The following GTF2H4 variants were observed in gnomAD, a reference collection of about 807,000 sequenced individuals.
The protein encoded by GTF2H4 is BTF2 p52.
A neutral mutation model predicts 62.2 loss-of-function variants in GTF2H4; 49 were observed. The ratio of observed to expected loss-of-function variants is 0.79; its 90% CI spans 0.63 to 1.00. The LOEUF (loss-of-function observed/expected upper bound fraction) is 1.00, where lower values mean the gene tolerates loss of function less well. GTF2H4 is among the 50% of genes least tolerant of loss of function. GTF2H4 has a pLI of 0.00. For missense variants in GTF2H4, 479 were observed against 587.8 expected (o/e 0.81, Z 1.91); for synonymous variants, 189 against 233.8 (o/e 0.81, Z 1.75).
chr6:30,911,386 C>T lies in GTF2H4; in HGVS notation c.673-45C>T. The stretch of plus-strand genomic sequence containing the variant: ...TTCTCTGTCCCTTTCTTCCCATTGT[C>T]TCCCTCCCATCCCTCCTCCTTTGTC... On this transcript the variant is annotated intron_variant, in intron 7 of 13. Transcript: ENST00000259895. The surrounding 1 kb of genome is among the most constrained non-coding windows in gnomAD (Gnocchi z 4.3). The T allele has an allele frequency of 6.4e-7, 1 of 1,567,866 alleles. No individual in the cohort carries two copies. Among genetic ancestry groups the T allele is most frequent in the Non-Finnish European group, 8.8e-7 (1 of 1,138,700 alleles).
rs557776277 is a variant in GTF2H4 at position 30,911,826 on chromosome 6, C to A, written c.825+59C>A. 4.6e-6 allele frequency: 7 copies of A among 1,514,440 alleles called. No homozygotes were observed. The highest frequency in any genetic ancestry group is 4.5e-5 in the South Asian group (4 of 89,012). The allele number at this position is 1,514,440 out of a possible 1,614,324, so 93.8% of individuals were successfully genotyped here. ...GAAACAGGGTGGTGTGTTGCCTTTGCCTTTAAAAAGGAGTGGGGTCTTGGG... is the reference window on the plus strand; with the variant it reads ...GAAACAGGGTGGTGTGTTGCCTTTGACTTTAAAAAGGAGTGGGGTCTTGGG... On this transcript the variant is annotated intron_variant, in intron 9 of 13. Transcript: ENST00000259895. This position sits in a 1 kb window ranked among gnomAD's most constrained non-coding sequence, Gnocchi z 4.3.
Position 30,912,080 on chromosome 6 carries a change from G to A in GTF2H4, c.892G>A (p.Gly298Arg). 1 of 1,612,902 alleles carries A rather than the reference G, an allele frequency of 6.2e-7. No homozygotes were observed. The highest frequency in any genetic ancestry group is 8.5e-7 in the Non-Finnish European group (1 of 1,179,932). ...TCTCTCATCAGGTGTCTCTGGAGCT[G>A]GGGGCACTGTGCATCAGCCAGGTTT... is the stretch of plus-strand genomic sequence containing the variant. ...INLSSGVSGA[G>R]GTVHQPGFIV... The change falls in exon 10 of 14, where the codon GGG becomes AGG. Residue 298 changes from glycine (G) to arginine (R), a missense_variant. Gly to Arg is a moderately radical substitution (Grantham distance 125, BLOSUM62 -2). Coordinates refer to ENST00000259895, the MANE Select transcript of GTF2H4 (RefSeq NM_001517.5). This position sits in a 1 kb window ranked among gnomAD's most constrained non-coding sequence, Gnocchi z 4.8.
rs1793882776 is a variant in GTF2H4 at position 30,913,260 on chromosome 6, G to T, written c.1138-49G>T. 6.2e-7 allele frequency: 1 copy of T among 1,612,486 alleles called. No homozygotes were observed. Among genetic ancestry groups the T allele is most frequent in the African/African-American group, 1.3e-5 (1 of 74,886 alleles). On this transcript the variant is annotated intron_variant, in intron 12 of 13. Coordinates refer to ENST00000259895, the MANE Select transcript of GTF2H4 (RefSeq NM_001517.5). This position sits in a 1 kb window ranked among gnomAD's most constrained non-coding sequence, Gnocchi z 4.2. ...TGGGGAAGAAACAGAGGGCCGGGTTGTCTGGGGCAGTATTCTGAGTCCCTA... is the reference window on the plus strand; with the variant it reads ...TGGGGAAGAAACAGAGGGCCGGGTTTTCTGGGGCAGTATTCTGAGTCCCTA...
At position 30,911,912 on chromosome 6, in the gene GTF2H4, G is replaced by C. The variant is rs1793777705; in HGVS notation, c.826-102G>C. On this transcript the variant is annotated intron_variant, in intron 9 of 13. Transcript: ENST00000259895. This position sits in a 1 kb window ranked among gnomAD's most constrained non-coding sequence, Gnocchi z 4.3. ...TGGGTCTCTCGGGGGAGAGAAGTTG[G>C]GGGTTGAGGTTCTGCATCTTGGGAG... 6 of 1,477,720 alleles carry C rather than the reference G, an allele frequency of 4.1e-6. No homozygotes were observed. Among genetic ancestry groups the C allele is most frequent in the South Asian group, 3.6e-5 (3 of 84,444 alleles). The allele number at this position is 1,477,720 out of a possible 1,614,324, so 91.5% of individuals were successfully genotyped here.
Position 30,913,916 on chromosome 6 carries a change from T to C in GTF2H4, c.1322T>C (p.Met441Thr), listed in dbSNP as rs1582163724. The C allele has an allele frequency of 1.2e-6, 2 of 1,609,530 alleles. No individual in the cohort carries two copies. Among genetic ancestry groups the C allele is most frequent in the Non-Finnish European group, 1.7e-6 (2 of 1,178,456 alleles). Residue 441 changes from methionine (M) to threonine (T), a missense_variant, in exon 14 of 14, where the codon ATG becomes ACG. Transcript: ENST00000259895. This position sits in a 1 kb window ranked among gnomAD's most constrained non-coding sequence, Gnocchi z 4.2. ...TTCGAGAACTCGGCCAAGCGGCTCA[T>C]GGTGGTGACCCCGGCCGGGCACAGC... ...LVFENSAKRL[M>T]VVTPAGHSDV...
chr6:30,911,658 C>G lies in GTF2H4; in HGVS notation c.742-26C>G, dbSNP rs773444368. 6.3e-7 allele frequency: 1 copy of G among 1,592,838 alleles called. No homozygotes were observed. The highest frequency in any genetic ancestry group is 8.6e-7 in the Non-Finnish European group (1 of 1,161,780). On this transcript the variant is annotated intron_variant, in intron 8 of 13. Coordinates refer to ENST00000259895, the MANE Select transcript of GTF2H4 (RefSeq NM_001517.5). This position sits in a 1 kb window ranked among gnomAD's most constrained non-coding sequence, Gnocchi z 4.3. The stretch of plus-strand genomic sequence containing the variant: ...GGGGTGGGTGGGTTGTGTTTTGGAC[C>G]CCAGCTGGAAACCTCTGTTCCTCAG...
rs748227932 is a variant in GTF2H4, at chr6:30,914,023, G to C, written c.*40G>C. 1 of 1,483,794 alleles carries C rather than the reference G, an allele frequency of 6.7e-7. No individual in the cohort carries two copies. The highest frequency in any genetic ancestry group is 9.1e-7 in the Non-Finnish European group (1 of 1,093,114). The allele number at this position is 1,483,794 out of a possible 1,614,324, so 91.9% of individuals were successfully genotyped here. A position where few individuals can be genotyped will look rare whatever the true frequency, so the allele number is the denominator to read the frequency against. ...GACACGGACCTCGGCGGGCGGGACT[G>C]GGCGGGGCGGGGCATCAGAACTCAG... On this transcript the variant is annotated 3_prime_UTR_variant, in exon 14 of 14. Transcript: ENST00000259895.
chr6:30,913,771 T>C lies in GTF2H4; in HGVS notation c.1217-40T>C. 6.7e-7 allele frequency: 1 copy of C among 1,497,200 alleles called. No individual in the cohort carries two copies. Among genetic ancestry groups the C allele is most frequent in the Non-Finnish European group, 8.9e-7 (1 of 1,119,794 alleles). The allele number at this position is 1,497,200 out of a possible 1,614,324, so 92.7% of individuals were successfully genotyped here. On this transcript the variant is annotated intron_variant, in intron 13 of 13. Coordinates refer to ENST00000259895, the MANE Select transcript of GTF2H4 (RefSeq NM_001517.5). This position sits in a 1 kb window ranked among gnomAD's most constrained non-coding sequence, Gnocchi z 4.2. ...AATAGGAGCTCCGAGCTTCACTTTC[T>C]CGTCTTCTCCCCGCGCCCCTCCCGT...
Position 30,910,033 on chromosome 6 carries a change from G to T in GTF2H4, c.344G>T (p.Arg115Leu), listed in dbSNP as rs577023692. 4 of 1,612,758 alleles carry T rather than the reference G, an allele frequency of 2.5e-6. No homozygotes were observed. The highest frequency in any genetic ancestry group is 3.4e-6 in the Non-Finnish European group (4 of 1,179,994). ...LQGLILNPIFRQNLRIALLGG... is the reference protein window; with the variant it reads ...LQGLILNPIFLQNLRIALLGG... ...GGCCTCATCCTCAACCCCATTTTCC[G>T]CCAGAACCTCCGCATTGCCCTTCTG... Residue 115 changes from arginine (R) to leucine (L), a missense_variant, in exon 4 of 14, where the codon CGC (arginine) becomes CTC (leucine). Physicochemically the swap from Arg to Leu is moderately radical, Grantham distance 102. Transcript: ENST00000259895. The surrounding 1 kb of genome is among the most constrained non-coding windows in gnomAD (Gnocchi z 4.7).
At position 30,913,984 on chromosome 6, in the gene GTF2H4, G is replaced by A; in HGVS notation, c.*1G>A. On this transcript the variant is annotated 3_prime_UTR_variant, in exon 14 of 14. Transcript: ENST00000259895. This position sits in a 1 kb window ranked among gnomAD's most constrained non-coding sequence, Gnocchi z 4.2. Reference sequence around the variant, plus strand: ...GAAGCGGCAGAAACATAGCTCCTGAGAGCGCGGGACTTGGACACGGACCTC... The same window carrying A: ...GAAGCGGCAGAAACATAGCTCCTGAAAGCGCGGGACTTGGACACGGACCTC... The A allele has an allele frequency of 6.3e-7, 1 of 1,588,076 alleles. No individual in the cohort carries two copies. Among genetic ancestry groups the A allele is most frequent in the South Asian group, 1.1e-5 (1 of 88,962 alleles).
Position 30,913,451 on chromosome 6 carries a change from G to C in GTF2H4, c.1216+64G>C. 1 of 1,550,044 alleles carries C rather than the reference G, an allele frequency of 6.5e-7. No homozygotes were observed. The highest frequency in any genetic ancestry group is 8.8e-7 in the Non-Finnish European group (1 of 1,140,636). On this transcript the variant is annotated intron_variant, in intron 13 of 13. Coordinates refer to ENST00000259895, the MANE Select transcript of GTF2H4 (RefSeq NM_001517.5). This position sits in a 1 kb window ranked among gnomAD's most constrained non-coding sequence, Gnocchi z 4.2. ...AGAGAAAGGGCAGACAGTTCAGTCT[G>C]CATTTTATTTTTTACTTCATGGACT...
rs1793728429 is a variant in GTF2H4, at chr6:30,910,754, G to A, written c.464G>A (p.Arg155Gln). ...TCCCTTGACAAGTACGCCGAGGAGC[G>A]ATGGGAGGTAAGCACTTGGGAGTGT... ...VPSLDKYAEE[R>Q]WEVVLHFMVG... Residue 155 changes from arginine to glutamine, a missense_variant, in exon 5 of 14, where the codon CGA (arginine) becomes CAA (glutamine). By Grantham distance (43) the Arg-to-Gln change is conservative. Transcript: ENST00000259895. This position sits in a 1 kb window ranked among gnomAD's most constrained non-coding sequence, Gnocchi z 4.7. 1.2e-6 allele frequency: 2 copies of A among 1,612,010 alleles called. No individual in the cohort carries two copies. The highest frequency in any genetic ancestry group is 1.3e-5 in the African/African-American group (1 of 74,878).
Position 30,911,896 on chromosome 6 carries a change from C to CG in GTF2H4, c.826-113dup. ...GCCAGAACTGAATACTTGGGTCTCT[C>CG]GGGGGAGAGAAGTTGGGGGTTGAGG... On this transcript the variant is annotated intron_variant, in intron 9 of 13. Coordinates refer to ENST00000259895, the MANE Select transcript of GTF2H4 (RefSeq NM_001517.5). The surrounding 1 kb of genome is among the most constrained non-coding windows in gnomAD (Gnocchi z 4.3). 1 of 1,437,716 alleles carries CG rather than the reference C, an allele frequency of 7.0e-7. No individual in the cohort carries two copies. The highest frequency in any genetic ancestry group is 9.6e-7 in the Non-Finnish European group (1 of 1,038,088). The allele number at this position is 1,437,716 out of a possible 1,614,324, so 89.1% of individuals were successfully genotyped here.
rs974542366 is a variant in GTF2H4 at position 30,910,925 on chromosome 6, G to A, written c.544G>A (p.Ala182Thr). The change falls in exon 6 of 14, where the codon GCT becomes ACT. Residue 182 changes from alanine (A) to threonine (T), a missense_variant. Coordinates refer to ENST00000259895, the MANE Select transcript of GTF2H4 (RefSeq NM_001517.5). This position sits in a 1 kb window ranked among gnomAD's most constrained non-coding sequence, Gnocchi z 4.7. ...SQDLAQLLSQ[A>T]GLMKSTEPGE... ...GGACTTGGCTCAGCTCCTCAGCCAG[G>A]CTGGGCTCATGAAGAGGTGAGGAAG... is the stretch of plus-strand genomic sequence containing the variant. 2.5e-6 allele frequency: 4 copies of A among 1,609,138 alleles called. No homozygotes were observed. The South Asian group carries it at 3.3e-5, about 13-fold the overall frequency.
Position 30,910,147 on chromosome 6 carries a change from T to G in GTF2H4, c.374+84T>G. 6.8e-7 allele frequency: 1 copy of G among 1,470,834 alleles called. No homozygotes were observed. Among genetic ancestry groups the G allele is most frequent in the East Asian group, 2.3e-5 (1 of 44,168 alleles). 91.1% of individuals were successfully genotyped at this position (1,470,834 alleles called of 1,614,324 possible). ...CTAATTAAACTTTGGGAGGGGGAGC[T>G]CCTGGGGGCCTCCCCAGAACCTTGT... On this transcript the variant is annotated intron_variant, in intron 4 of 13. Coordinates refer to ENST00000259895, the MANE Select transcript of GTF2H4 (RefSeq NM_001517.5). The surrounding 1 kb of genome is among the most constrained non-coding windows in gnomAD (Gnocchi z 4.7).
Position 30,909,602 on chromosome 6 carries a change from G to A in GTF2H4, c.242+63G>A. ...ATTTCCCAAACTGCTGTTCCTTGGAGCACTTCCAGGAAGTGTTAATAGATA... is the reference window on the plus strand; with the variant it reads ...ATTTCCCAAACTGCTGTTCCTTGGAACACTTCCAGGAAGTGTTAATAGATA... On this transcript the variant is annotated intron_variant, in intron 3 of 13. Coordinates refer to ENST00000259895, the MANE Select transcript of GTF2H4 (RefSeq NM_001517.5). The surrounding 1 kb of genome is among the most constrained non-coding windows in gnomAD (Gnocchi z 4.3). The A allele has an allele frequency of 9.9e-7, 1 of 1,012,398 alleles. No individual in the cohort carries two copies. Among genetic ancestry groups the A allele is most frequent in the Non-Finnish European group, 1.6e-6 (1 of 638,486 alleles). 62.7% of individuals were successfully genotyped at this position (1,012,398 alleles called of 1,614,324 possible).
At position 30,909,111 on chromosome 6, in the gene GTF2H4, C is replaced by T; in HGVS notation, c.75C>T (p.Gly25=). ...GGAATCTGCAGGAATTCTTAGGGGGCCTGAGCCCTGGGGTATTGGACCGAT... is the reference window on the plus strand; with the variant it reads ...GGAATCTGCAGGAATTCTTAGGGGGTCTGAGCCCTGGGGTATTGGACCGAT... ...QCRNLQEFLG[G]LSPGVLDRLY... The change falls in exon 2 of 14, where the codon GGC becomes GGT. Residue 25 remains glycine, a synonymous_variant. Transcript: ENST00000259895. This position sits in a 1 kb window ranked among gnomAD's most constrained non-coding sequence, Gnocchi z 4.3. 4 of 1,614,120 alleles carry T rather than the reference C, an allele frequency of 2.5e-6. No homozygotes were observed. The highest frequency in any genetic ancestry group is 2.2e-5 in the South Asian group (2 of 91,088).
In GTF2H4 at chr6:30,911,203, G is replaced by C; in HGVS notation, c.606G>C (p.Gln202His). The stretch of plus-strand genomic sequence containing the variant: ...CCTGCATTACTTCCGCTGGCTTCCA[G>C]TTCCTGTTGCTGGACACCCCGGCTC... ...EPPCITSAGF[Q>H]FLLLDTPAQL... The change falls in exon 7 of 14, where the codon CAG becomes CAC. Residue 202 changes from glutamine to histidine, a missense_variant. Physicochemically the swap from Gln to His is conservative, Grantham distance 24. Coordinates refer to ENST00000259895, the MANE Select transcript of GTF2H4 (RefSeq NM_001517.5). This position sits in a 1 kb window ranked among gnomAD's most constrained non-coding sequence, Gnocchi z 4.3. 1 of 1,613,734 alleles carries C rather than the reference G, an allele frequency of 6.2e-7. No homozygotes were observed. The highest frequency in any genetic ancestry group is 8.5e-7 in the Non-Finnish European group (1 of 1,180,030).
At position 30,909,578 on chromosome 6, in the gene GTF2H4, T is replaced by C; in HGVS notation, c.242+39T>C. 8.2e-7 allele frequency: 1 copy of C among 1,221,366 alleles called. No individual in the cohort carries two copies. Among genetic ancestry groups the C allele is most frequent in the Non-Finnish European group, 1.2e-6 (1 of 823,764 alleles). The allele number at this position is 1,221,366 out of a possible 1,614,324, so 75.7% of individuals were successfully genotyped here. A position where few individuals can be genotyped will look rare whatever the true frequency, so the allele number is the denominator to read the frequency against. ...AGATACAAATTTCTCAACAGCTACA[T>C]TTCCCAAACTGCTGTTCCTTGGAGC... On this transcript the variant is annotated intron_variant, in intron 3 of 13. Transcript: ENST00000259895. The surrounding 1 kb of genome is among the most constrained non-coding windows in gnomAD (Gnocchi z 4.3).
Sources: gnomAD v4.1 joint callset for allele counts on GRCh38, gnomAD v4.1.1 for gene constraint, Gnocchi (gnomAD v3.1) non-coding constraint, MANE v1.5 for transcripts, NCBI Gene and HGNC (gene_info 2026-07-23, HGNC 2026-07-21) for gene names.